The following FAM168A variants were observed in gnomAD, a reference collection of about 807,000 sequenced individuals.
FAM168A encodes protein FAM168A.
A neutral mutation model predicts 28.5 loss-of-function variants in FAM168A; 3 were observed. The ratio of observed to expected loss-of-function variants is 0.11; its 90% CI spans 0.05 to 0.27. The LOEUF (loss-of-function observed/expected upper bound fraction) is 0.27, where lower values mean the gene tolerates loss of function less well. FAM168A is among the 10% of genes least tolerant of loss of function. The probability of loss-of-function intolerance (pLI) is 1.00; values close to 1 mark genes in which losing one functional copy is unlikely to be tolerated. For synonymous variants in FAM168A, 122 were observed against 124.2 expected, an observed-to-expected ratio of 0.98 and a Z score of 0.12; for missense variants, 222 against 311.5, an observed-to-expected ratio of 0.71 and a Z score of 2.16.
chr11:73,420,125 G>A, intron 3 of FAM168A, 126 bp from the exon 4 acceptor site: 1 of 1,093,010 alleles, frequency 9.1e-7, no homozygotes, highest in Non-Finnish European at 1.3e-6. Flanking sequence ...TCAGACACAT[G>A]GGATGGTCAG....
intron 1 of FAM168A, among the ~76,000 whole-genome samples, chr11:73,522,203 C>CA (rs5792619): frequency 0.92 from 133,455 of 144,684 alleles, 62,102 homozygotes; most frequent in East Asian, 0.99. Flanking sequence ...TCTAGTCCAC[C>CA]AAAAAAAAAA....
intron 1 of FAM168A, among the ~76,000 whole-genome samples, chr11:73,552,727 T>C (rs1241104858): frequency 6.6e-6 from 1 of 152,138 alleles, no homozygotes; most frequent in Non-Finnish European, 1.5e-5. Context: ...GAGGCCAAGA[T>C]GGGTGGATCC....
chr11:73,443,229 T>C (rs1867237747), intron 2 of FAM168A, among the ~76,000 whole-genome samples: 1 of 151,964 alleles, frequency 6.6e-6, no homozygotes. Context: ...TAAATGTTAA[T>C]ACTTGAGCGA....
chr11:73,468,531 G>C, intron 1 of FAM168A, 39 bp from the exon 2 acceptor site: 1 of 1,468,896 alleles, frequency 6.8e-7, no homozygotes, highest in Admixed American at 1.7e-5. Flanking sequence ...GATATTGATT[G>C]TTCATTCTTC....
chr11:73,526,886 A>AC (rs1401552231), intron 1 of FAM168A, among the ~76,000 whole-genome samples: 7 of 151,556 alleles, frequency 4.6e-5, no homozygotes, highest in Admixed American at 4.6e-4. Context: ...AAAAAAAAAA[A>AC]AAAAAAACGG....
At chr11:73,524,845 C>A (rs1167269861) in intron 1 of FAM168A, among the ~76,000 whole-genome samples, 5 of 152,198 alleles carry the variant, frequency 3.3e-5, no homozygotes, top group East Asian at 1.9e-4. Context: ...GATGATCCAC[C>A]TGCCTCGGCC....
chr11:73,535,894 G>A (rs1943574017), intron 1 of FAM168A, among the ~76,000 whole-genome samples: 1 of 150,846 alleles, frequency 6.6e-6, no homozygotes, highest in South Asian at 2.1e-4. Context: ...TTTGAGACAG[G>A]GTTTCACTCT....
chr11:73,419,132 T>G (rs982075779), intron 4 of FAM168A, among the ~76,000 whole-genome samples: 2 of 152,176 alleles, frequency 1.3e-5, no homozygotes, highest in African/African-American at 4.8e-5. Context: ...TTTCTAAACA[T>G]TGGTCCTCAT....
intron 4 of FAM168A, among the ~76,000 whole-genome samples, chr11:73,413,434 A>G (rs992780004): frequency 6.6e-6 from 1 of 152,244 alleles, no homozygotes; most frequent in African/African-American, 2.4e-5. Flanking sequence ...CAGATTTCTC[A>G]AAGTTTCTAG....
At chr11:73,530,276 C>T (rs1488898792) in intron 1 of FAM168A, among the ~76,000 whole-genome samples, 7 of 152,176 alleles carry the variant, frequency 4.6e-5, no homozygotes, top group African/African-American at 1.4e-4. Flanking sequence ...TCTTCATTGC[C>T]TTGCTCTGTG....
intron 3 of FAM168A, among the ~76,000 whole-genome samples, chr11:73,423,628 C>A (rs889567590): frequency 1.3e-5 from 2 of 152,146 alleles, no homozygotes; most frequent in African/African-American, 4.8e-5. Context: ...TTAATTAATC[C>A]ATCAATCATG....
At chr11:73,505,707 G>C (rs1855103708) in intron 1 of FAM168A, among the ~76,000 whole-genome samples, 1 of 152,178 alleles carries the variant, frequency 6.6e-6, no homozygotes. Flanking sequence ...AAGCCAGCAG[G>C]TATGTGGAGA....
intron 3 of FAM168A, among the ~76,000 whole-genome samples, chr11:73,421,735 C>T (rs573494829): frequency 1.1e-4 from 16 of 152,198 alleles, no homozygotes; most frequent in Non-Finnish European, 2.2e-4. Flanking sequence ...CCACCCAAAA[C>T]AACTCTCTAA....
intron 1 of FAM168A, among the ~76,000 whole-genome samples, chr11:73,505,964 A>T (rs926673313): frequency 6.6e-6 from 1 of 152,160 alleles, no homozygotes; most frequent in Non-Finnish European, 1.5e-5. Context: ...TATAAATTCA[A>T]TATGACTATA....
At chr11:73,573,401 A>G (rs1944131260) in intron 1 of FAM168A, among the ~76,000 whole-genome samples, 1 of 152,134 alleles carries the variant, frequency 6.6e-6, no homozygotes, top group Non-Finnish European at 1.5e-5. Flanking sequence ...CTAGGGATCA[A>G]GATTAGACCA....
intron 3 of FAM168A, 54 bp from the exon 4 acceptor site, chr11:73,420,053 C>G: frequency 6.3e-7 from 1 of 1,598,558 alleles, no homozygotes; most frequent in Non-Finnish European, 8.5e-7. Flanking sequence ...TGGCCACCAC[C>G]AATCACAGAC....
At chr11:73,561,462 C>CATAT (rs148416945) in intron 1 of FAM168A, among the ~76,000 whole-genome samples, 13 of 149,822 alleles carry the variant, frequency 8.7e-5, no homozygotes, top group East Asian at 3.9e-4. Flanking sequence ...ACTGGGGAGA[C>CATAT]ATATATATAT....
intron 1 of FAM168A, among the ~76,000 whole-genome samples, chr11:73,517,533 T>A (rs1001524799): frequency 6.6e-6 from 1 of 151,994 alleles, no homozygotes; most frequent in African/African-American, 2.4e-5. Context: ...GGGTACTGTT[T>A]CGGCGGGGGC....
rs1035271207 is a variant in FAM168A at position 73,505,429 on chromosome 11, C to T, written c.-18-36937G>A. ...TTTATGAGGATTAAATAAGAGCTAA[C>T]ATATGTAAAGTGTTTAGAACAATGC... On this transcript the variant is annotated intron_variant, in intron 1 of 7. Coordinates refer to ENST00000356467, the MANE Select transcript of FAM168A (RefSeq NM_015159.3). 2.0e-5 allele frequency among the ~76,000 whole-genome samples: 3 copies of T among 152,084 alleles called. No individual in the cohort carries two copies. In the East Asian group the frequency reaches 5.8e-4, roughly 29 times the overall value.
Sources: allele counts gnomAD v4.1 joint callset (sites outside exome capture counted in the v4.1 genomes callset), GRCh38; gene constraint gnomAD v4.1.1; transcripts MANE v1.5; gene names NCBI Gene and HGNC (gene_info 2026-07-23, HGNC 2026-07-21).